Variants in ARFGAP3 observed in about 807,000 individuals in gnomAD.
ARFGAP3 encodes ADP-ribosylation factor GTPase-activating protein 3.
In ARFGAP3, 72 loss-of-function variants were observed where a neutral mutation model predicts 75.0. That is an observed-to-expected ratio of 0.96 (90% confidence interval 0.79 to 1.17). The LOEUF (loss-of-function observed/expected upper bound fraction) is 1.17. ARFGAP3 is among the 50% of genes most tolerant of loss of function. The probability of loss-of-function intolerance (pLI) is 0.00; values close to 1 mark genes in which losing one functional copy is unlikely to be tolerated. For synonymous variants in ARFGAP3, 221 were observed against 217.9 expected, an observed-to-expected ratio of 1.01 and a Z score of -0.13; for missense variants, 620 against 626.6, an observed-to-expected ratio of 0.99 and a Z score of 0.11.
Position 42,835,497 on chromosome 22 carries a change from C to T in ARFGAP3, c.262-4G>A, listed in dbSNP as rs2146566256. The T allele has an allele frequency of 6.2e-7, 1 of 1,613,478 alleles. No homozygotes were observed. Among genetic ancestry groups the T allele is most frequent in the East Asian group, 2.2e-5 (1 of 44,852 alleles). On this transcript the variant is annotated splice_region_variant and splice_polypyrimidine_tract_variant and intron_variant, in intron 3 of 15. Transcript: ENST00000263245. ...CATGTTGATGAAAAAAGGAAGACTACAGAGAAAAGCATGCACATTAATATT... is the reference window on the plus strand; with the variant it reads ...CATGTTGATGAAAAAAGGAAGACTATAGAGAAAAGCATGCACATTAATATT...
At chr22:42,837,005 C>T (rs1043572315) in intron 3 of ARFGAP3, among the ~76,000 whole-genome samples, 7 of 152,210 alleles carry the variant, frequency 4.6e-5, no homozygotes, top group African/African-American at 1.7e-4. Flanking sequence ...CCCCATGTCC[C>T]CCAACCCCTG....
intron 2 of ARFGAP3, among the ~76,000 whole-genome samples, chr22:42,843,724 C>T (rs1038115312): frequency 3.3e-5 from 5 of 152,136 alleles, no homozygotes; most frequent in Non-Finnish European, 5.9e-5. Context: ...CCAACAAGAT[C>T]GATGCAGGGA....
intron 5 of ARFGAP3, 153 bp from the exon 6 acceptor site, chr22:42,831,789 C>CTT: frequency 2.3e-5 from 28 of 1,212,442 alleles, no homozygotes; most frequent in Admixed American, 6.4e-5. Context: ...TTCTTGCTTT[C>CTT]TTTTTTTTTT....
At chr22:42,843,286 T>C (rs943445464) in intron 2 of ARFGAP3, among the ~76,000 whole-genome samples, 1 of 152,190 alleles carries the variant, frequency 6.6e-6, no homozygotes, top group Non-Finnish European at 1.5e-5. Context: ...TCACCCTTAC[T>C]TCTCTTTATT....
At chr22:42,820,174 A>G (rs1167281896) in intron 9 of ARFGAP3, among the ~76,000 whole-genome samples, 1 of 152,232 alleles carries the variant, frequency 6.6e-6, no homozygotes, top group Non-Finnish European at 1.5e-5. Context: ...AACCTCAAGC[A>G]TGAGTAATCT....
At chr22:42,829,210 G>A (rs912986493) in intron 6 of ARFGAP3, among the ~76,000 whole-genome samples, 2 of 152,150 alleles carry the variant, frequency 1.3e-5, no homozygotes, top group African/African-American at 4.8e-5. Flanking sequence ...CAGCAGAGGG[G>A]ACACACAGTG....
chr22:42,806,993 A>G, intron 14 of ARFGAP3, 80 bp downstream of exon 14: 1 of 1,342,034 alleles, frequency 7.5e-7, no homozygotes. Flanking sequence ...ATATCTTGGA[A>G]AAGGAAACAG....
chr22:42,839,796 T>C (rs1926699800), intron 3 of ARFGAP3, among the ~76,000 whole-genome samples: 1 of 152,180 alleles, frequency 6.6e-6, no homozygotes, highest in African/African-American at 2.4e-5. Context: ...GCCTGTTATT[T>C]TCCTGTGAAC....
At position 42,835,341 on chromosome 22, in the gene ARFGAP3, A is replaced by C. The variant is rs775022105; in HGVS notation, c.393+21T>G. The C allele has an allele frequency of 2.5e-6, 4 of 1,611,522 alleles. No homozygotes were observed. In the African/African-American group the frequency reaches 5.3e-5, roughly 22 times the overall value. On this transcript the variant is annotated intron_variant, in intron 4 of 15. Coordinates refer to ENST00000263245, the MANE Select transcript of ARFGAP3 (RefSeq NM_014570.5). ...AGTGAACATGTATCTAAAGGAAACA[A>C]TCCAGCCTCCAGTGACTTACATCAG...
At position 42,809,725 on chromosome 22, in the gene ARFGAP3, C is replaced by T. The variant is rs188529457; in HGVS notation, c.1197-835G>A. ...ACCTTAAAATTGGGGGAAAAAAGGC[C>T]GGGTGCGGTGGCTCACGCCTGTAAT... On this transcript the variant is annotated intron_variant, in intron 12 of 15. Transcript: ENST00000263245. Among the ~76,000 whole-genome samples the T allele has an allele frequency of 1.2e-3, 176 of 151,994 alleles. 1 individual carries two copies. The highest frequency in any genetic ancestry group is 2.4e-3 in the African/African-American group (99 of 41,460).
Position 42,822,411 on chromosome 22 carries a change from T to C in ARFGAP3, c.673-2A>G, listed in dbSNP as rs754343254. The C allele has an allele frequency of 2.5e-6, 4 of 1,613,752 alleles. No homozygotes were observed. Among genetic ancestry groups the C allele is most frequent in the Non-Finnish European group, 2.5e-6 (3 of 1,179,908 alleles). Reference sequence around the variant, plus strand: ...CAAACTTCCTTTTTTGGCCCCAAGCTAGAACATATATAAGACTATAGTCTA... The same window carrying C: ...CAAACTTCCTTTTTTGGCCCCAAGCCAGAACATATATAAGACTATAGTCTA... On this transcript the variant is annotated splice_acceptor_variant, in intron 8 of 15. Transcript: ENST00000263245. LOFTEE classifies it high-confidence loss of function.
chr22:42,817,034 A>C, intron 11 of ARFGAP3, 108 bp downstream of exon 11: 1 of 827,926 alleles, frequency 1.2e-6, no homozygotes, highest in Middle Eastern at 3.3e-4. Flanking sequence ...TTTTAAAAAC[A>C]GTGAAGTAAA....
At chr22:42,817,940 AT>A in intron 9 of ARFGAP3, 83 bp from the exon 10 acceptor site, 1 of 1,361,016 alleles carries the variant, frequency 7.3e-7, no homozygotes, top group Non-Finnish European at 9.6e-7. Flanking sequence ...TAAACATGTA[AT>A]TTATACTTTT....
intron 11 of ARFGAP3, among the ~76,000 whole-genome samples, chr22:42,811,690 C>T (rs1175095861): frequency 6.6e-6 from 1 of 152,206 alleles, no homozygotes. Context: ...CCCAGGAGAG[C>T]CTGGCCTTCA....
chr22:42,844,242 C>G (rs1926909589), intron 2 of ARFGAP3, among the ~76,000 whole-genome samples: 1 of 151,884 alleles, frequency 6.6e-6, no homozygotes, highest in African/African-American at 2.4e-5. Context: ...TTTGTTCTGT[C>G]ACCCAGACTG....
At chr22:42,816,348 G>A (rs1192858055) in intron 11 of ARFGAP3, among the ~76,000 whole-genome samples, 1 of 152,162 alleles carries the variant, frequency 6.6e-6, no homozygotes, top group African/African-American at 2.4e-5. Context: ...ACTTGGCCTA[G>A]GTGACAAGTA....
rs530490837 is a variant in ARFGAP3 at position 42,826,929 on chromosome 22, A to G, written c.625+11T>C. ...ACTTTAAATCAGAATGTAGGATTTT[A>G]AGCATATTACCTAAAGTAGCCTTTG... On this transcript the variant is annotated intron_variant, in intron 7 of 15. Coordinates refer to ENST00000263245, the MANE Select transcript of ARFGAP3 (RefSeq NM_014570.5). 9 of 1,610,320 alleles carry G rather than the reference A, an allele frequency of 5.6e-6. No individual in the cohort carries two copies. In the East Asian group the frequency reaches 1.6e-4, roughly 28 times the overall value.
rs369271172 is a variant in ARFGAP3, at chr22:42,817,148, C to A, written c.1058G>T (p.Ser353Ile). Reference protein sequence around the residue: ...DDSDDSYFTSSSSYFDEPVEL... With the variant: ...DDSDDSYFTSISSYFDEPVEL... Reference sequence around the variant, plus strand: ...ATGATTTGTAATACAGTACCTTGAGCTGGAAGTAAAATATGAATCGTCACT... The same window carrying A: ...ATGATTTGTAATACAGTACCTTGAGATGGAAGTAAAATATGAATCGTCACT... The change falls in exon 11 of 16, where the codon AGC becomes ATC. Residue 353 changes from serine (S) to isoleucine (I), a missense_variant. Coordinates refer to ENST00000263245, the MANE Select transcript of ARFGAP3 (RefSeq NM_014570.5). 4 of 1,606,964 alleles carry A rather than the reference C, an allele frequency of 2.5e-6. No individual in the cohort carries two copies. Among genetic ancestry groups the A allele is most frequent in the Non-Finnish European group, 3.4e-6 (4 of 1,174,064 alleles).
In ARFGAP3 at chr22:42,822,265, CT is replaced by C. The variant is rs1327043204; in HGVS notation, c.812+4del. ...AATGTATTAATATAATGAAATTAAA[CT>C]TACATTGATTCTTCTTTAGATACCA... On this transcript the variant is annotated splice_donor_region_variant and intron_variant, in intron 9 of 15. Coordinates refer to ENST00000263245, the MANE Select transcript of ARFGAP3 (RefSeq NM_014570.5). 1 of 1,585,186 alleles carries C rather than the reference CT, an allele frequency of 6.3e-7. No individual in the cohort carries two copies. The highest frequency in any genetic ancestry group is 8.6e-7 in the Non-Finnish European group (1 of 1,162,262).
Sources: gnomAD v4.1 joint callset for allele counts (sites outside exome capture counted in the v4.1 genomes callset) on GRCh38, gnomAD v4.1.1 for gene constraint, MANE v1.5 for transcripts, NCBI Gene and HGNC (gene_info 2026-07-23, HGNC 2026-07-21) for gene names.